Variants in HS3ST4 observed in about 807,000 individuals in gnomAD.
The protein encoded by HS3ST4 is heparan sulfate-glucosamine 3-sulfotransferase 4, also known as heparan sulfate glucosamine 3-O-sulfotransferase 4.
HS3ST4 carries 17 observed loss-of-function variants against 29.2 expected under a neutral mutation model. The observed-to-expected ratio is 0.58, with a 90% CI of 0.40 to 0.87. The LOEUF is 0.87. Ranked by LOEUF, HS3ST4 falls within the 40% of genes least tolerant of loss-of-function variation. The probability of loss-of-function intolerance (pLI) is 0.00; values close to 1 mark genes in which losing one functional copy is unlikely to be tolerated. For synonymous variants in HS3ST4, 314 were observed against 285.7 expected (o/e 1.10, Z -1.00); for missense variants, 627 against 634.5 (o/e 0.99, Z 0.13).
intron 1 of HS3ST4, among the ~76,000 whole-genome samples, chr16:26,097,278 AATCCTAAGC>A (rs1170230855): frequency 6.6e-6 from 1 of 152,226 alleles, no homozygotes; most frequent in East Asian, 1.9e-4. Context: ...TTGTGAAGGC[AATCCTAAGC>A]AAAAAGAGCA....
chr16:25,934,234 T>C (rs1968495972), intron 1 of HS3ST4, among the ~76,000 whole-genome samples: 2 of 152,198 alleles, frequency 1.3e-5, no homozygotes, highest in African/African-American at 2.4e-5. Context: ...ATGTAGGGTC[T>C]AGAAGCAATT....
chr16:25,735,385 T>G (rs572003605), intron 1 of HS3ST4, among the ~76,000 whole-genome samples: 1 of 151,792 alleles, frequency 6.6e-6, no homozygotes, highest in Non-Finnish European at 1.5e-5. Flanking sequence ...CATGTGTACT[T>G]TTTCTTTTTT....
At chr16:25,866,126 C>G (rs1967692452) in intron 1 of HS3ST4, among the ~76,000 whole-genome samples, 1 of 152,194 alleles carries the variant, frequency 6.6e-6, no homozygotes, top group Non-Finnish European at 1.5e-5. Context: ...AATTCCTTAA[C>G]TACCTCTTAT....
chr16:25,710,125 T>C (rs978591579), intron 1 of HS3ST4, among the ~76,000 whole-genome samples: 1 of 151,926 alleles, frequency 6.6e-6, no homozygotes, highest in African/African-American at 2.4e-5. Context: ...TTTAATTTTT[T>C]CTGCTTCTGT....
intron 1 of HS3ST4, among the ~76,000 whole-genome samples, chr16:25,992,713 T>C (rs541860487): frequency 1.1e-4 from 17 of 152,334 alleles, no homozygotes; most frequent in African/African-American, 4.1e-4. Flanking sequence ...ACTTTGAGGC[T>C]AAGGGTGAAA....
At chr16:26,029,627 G>A (rs921895607) in intron 1 of HS3ST4, among the ~76,000 whole-genome samples, 2 of 152,054 alleles carry the variant, frequency 1.3e-5, no homozygotes, top group African/African-American at 4.8e-5. Flanking sequence ...TGGCCAGGCT[G>A]GTCTCAAACT....
intron 1 of HS3ST4, among the ~76,000 whole-genome samples, chr16:25,750,224 T>C (rs1248384150): frequency 6.6e-6 from 1 of 152,198 alleles, no homozygotes; most frequent in Non-Finnish European, 1.5e-5. Flanking sequence ...TGGCTTGGGC[T>C]TCCTCACAGC....
At chr16:26,111,434 A>G (rs1899128193) in intron 1 of HS3ST4, among the ~76,000 whole-genome samples, 1 of 150,458 alleles carries the variant, frequency 6.6e-6, no homozygotes, top group African/African-American at 2.4e-5. Context: ...TTTCTATATC[A>G]GGCCACTGCT....
chr16:25,854,273 A>G (rs1967551552), intron 1 of HS3ST4, among the ~76,000 whole-genome samples: 1 of 152,100 alleles, frequency 6.6e-6, no homozygotes, highest in Non-Finnish European at 1.5e-5. Flanking sequence ...ACTTCCTGGA[A>G]CTGAGGGTTC....
intron 1 of HS3ST4, among the ~76,000 whole-genome samples, chr16:26,089,739 A>C (rs1341499149): frequency 1.3e-5 from 2 of 152,198 alleles, no homozygotes; most frequent in Non-Finnish European, 2.9e-5. Flanking sequence ...TTCATTTTAC[A>C]TCCAAAAATT....
At chr16:25,791,213 T>C (rs1966868541) in intron 1 of HS3ST4, among the ~76,000 whole-genome samples, 1 of 152,124 alleles carries the variant, frequency 6.6e-6, no homozygotes. Flanking sequence ...TTTGTGGGGC[T>C]ATATCTGTTC....
chr16:26,060,302 G>A (rs574061392), intron 1 of HS3ST4, among the ~76,000 whole-genome samples: 1 of 152,256 alleles, frequency 6.6e-6, no homozygotes, highest in South Asian at 2.1e-4. Flanking sequence ...AGTCTTTGGG[G>A]TGTCCACGGC....
chr16:26,014,016 A>G (rs562158925), intron 1 of HS3ST4, among the ~76,000 whole-genome samples: 3 of 151,218 alleles, frequency 2.0e-5, no homozygotes, highest in African/African-American at 7.3e-5. Flanking sequence ...CAAAATAAAT[A>G]AATAAATAAA....
chr16:26,028,272 CAAAAAAAAA>C (rs57920476), intron 1 of HS3ST4, among the ~76,000 whole-genome samples: 3 of 48,636 alleles, frequency 6.2e-5, no homozygotes, highest in African/African-American at 2.0e-4. Context: ...GACACCGTCT[CAAAAAAAAA>C]AAAAAAAAAA....
At chr16:25,721,441 A>G in intron 1 of HS3ST4, among the ~76,000 whole-genome samples, 1 of 150,332 alleles carries the variant, frequency 6.7e-6, no homozygotes. Flanking sequence ...ACATGCCTGC[A>G]TAATAATGAA....
At chr16:25,886,548 C>T (rs975769669) in intron 1 of HS3ST4, among the ~76,000 whole-genome samples, 1 of 152,154 alleles carries the variant, frequency 6.6e-6, no homozygotes, top group Non-Finnish European at 1.5e-5. Flanking sequence ...CCCGAAGCAA[C>T]CCACTCCAAG....
At chr16:25,927,080 T>C (rs2141685539) in intron 1 of HS3ST4, among the ~76,000 whole-genome samples, 1 of 152,036 alleles carries the variant, frequency 6.6e-6, no homozygotes, top group South Asian at 2.1e-4. Context: ...AAAAAAAGAA[T>C]ACTTTAAGGT....
chr16:25,812,883 T>A (rs985767166), intron 1 of HS3ST4, among the ~76,000 whole-genome samples: 1 of 152,130 alleles, frequency 6.6e-6, no homozygotes, highest in Non-Finnish European at 1.5e-5. Context: ...TCTTAAATTG[T>A]TAAGCAGGAT....
intron 1 of HS3ST4, among the ~76,000 whole-genome samples, chr16:25,793,305 C>A (rs1966874215): frequency 6.6e-6 from 1 of 151,836 alleles, no homozygotes; most frequent in African/African-American, 2.4e-5. Context: ...CATCGTTAAT[C>A]TTATTGATTA....
Sources: allele counts gnomAD v4.1 joint callset (sites outside exome capture counted in the v4.1 genomes callset), GRCh38; gene constraint gnomAD v4.1.1; transcripts MANE v1.5; gene names NCBI Gene and HGNC (gene_info 2026-07-23, HGNC 2026-07-21).